Variants in MSL2 observed in about 807,000 individuals in gnomAD.
MSL2 encodes the protein E3 ubiquitin-protein ligase MSL2.
Under a neutral mutation model 35.8 loss-of-function variants are expected in MSL2, and 2 were observed. The ratio of observed to expected loss-of-function variants is 0.06; its 90% CI spans 0.02 to 0.18. The LOEUF (loss-of-function observed/expected upper bound fraction) is 0.18, where lower values mean the gene tolerates loss of function less well. MSL2 is among the 10% of genes least tolerant of loss of function. MSL2 has a pLI of 1.00. For missense variants in MSL2, 523 were observed against 706.7 expected, an observed-to-expected ratio of 0.74 and a Z score of 2.95; for synonymous variants, 296 against 255.7, an observed-to-expected ratio of 1.16 and a Z score of -1.50.
At position 136,151,206 on chromosome 3, in the gene MSL2, C is replaced by T. The variant is rs750048640; in HGVS notation, c.1675G>A (p.Ala559Thr). 6 of 1,614,200 alleles carry T rather than the reference C, an allele frequency of 3.7e-6. No individual in the cohort carries two copies. In the East Asian group the frequency reaches 1.3e-4, roughly 36 times the overall value. The change falls in exon 2 of 2, where the codon GCC becomes ACC. Residue 559 changes from alanine to threonine, a missense_variant. Ala to Thr is a moderately conservative substitution (Grantham distance 58). Coordinates refer to ENST00000309993, the MANE Select transcript of MSL2 (RefSeq NM_018133.4). This position sits in a 1 kb window ranked among gnomAD's most constrained non-coding sequence, Gnocchi z 5.2. The part of the protein sequence containing the change: ...TGSPVTTFLA[A>T]STHDDKSLDE... ...AAACTTTTATCATCATGTGTACTGGCAGCTAAAAACGTCGTTACTGGGGAC... is the reference window on the plus strand; with the variant it reads ...AAACTTTTATCATCATGTGTACTGGTAGCTAAAAACGTCGTTACTGGGGAC...
intron 1 of MSL2, among the ~76,000 whole-genome samples, chr3:136,153,412 G>A (rs1939428897): frequency 6.6e-6 from 1 of 152,148 alleles, no homozygotes; most frequent in South Asian, 2.1e-4. Context: ...CAGTAGAAAA[G>A]TATCTTCACA....
chr3:136,188,378 G>A (rs1391919229), intron 1 of MSL2, among the ~76,000 whole-genome samples: 2 of 150,968 alleles, frequency 1.3e-5, no homozygotes, highest in Non-Finnish European at 2.9e-5. Context: ...AGGTTGCAGT[G>A]AGCCGAGATC....
chr3:136,178,530 C>T (rs1940246103), intron 1 of MSL2, among the ~76,000 whole-genome samples: 3 of 148,258 alleles, frequency 2.0e-5, no homozygotes, highest in East Asian at 3.9e-4. Flanking sequence ...AATTTACTGG[C>T]ACTTTTTTTT....
chr3:136,163,994 T>C (rs888920844), intron 1 of MSL2, among the ~76,000 whole-genome samples: 1 of 152,216 alleles, frequency 6.6e-6, no homozygotes, highest in African/African-American at 2.4e-5. Context: ...GGCAGTTCTT[T>C]ATAGCAGTAT....
At position 136,195,837 on chromosome 3, in the gene MSL2, G is replaced by A. The variant is rs895793195; in HGVS notation, c.-724C>T. ...CCTCAACCCGGAGGGGAAGGCCGGG[G>A]AGGAAGTGCGCGGGCCGCCGCCGGC... On this transcript the variant is annotated 5_prime_UTR_variant, in exon 1 of 2. Coordinates refer to ENST00000309993, the MANE Select transcript of MSL2 (RefSeq NM_018133.4). 2.0e-6 allele frequency: 2 copies of A among 983,722 alleles called. No homozygotes were observed. Among genetic ancestry groups the A allele is most frequent in the African/African-American group, 1.8e-5 (1 of 57,088 alleles). 60.9% of individuals were successfully genotyped at this position (983,722 alleles called of 1,614,324 possible).
In MSL2 at chr3:136,174,617, G is replaced by A. The variant is rs569924393; in HGVS notation, c.142+20355C>T. On this transcript the variant is annotated intron_variant, in intron 1 of 1. Transcript: ENST00000309993. ...GGATTCTCAATAACAGGTTTGTGAG[G>A]GTCAGGAAATCCTTACTGCACAAAA... 2.6e-3 allele frequency among the ~76,000 whole-genome samples: 394 copies of A among 152,208 alleles called. 3 individuals carry two copies. Among genetic ancestry groups the A allele is most frequent in the African/African-American group, 7.0e-3 (292 of 41,514 alleles).
chr3:136,184,269 C>G (rs553040645), intron 1 of MSL2, among the ~76,000 whole-genome samples: 1 of 151,668 alleles, frequency 6.6e-6, no homozygotes, highest in Non-Finnish European at 1.5e-5. Context: ...GCACTTTAAC[C>G]TGAACGACAG....
intron 1 of MSL2, among the ~76,000 whole-genome samples, chr3:136,153,789 C>CAA (rs796710692): frequency 1.1e-4 from 12 of 113,822 alleles, no homozygotes; most frequent in African/African-American, 3.3e-4. Context: ...GACTTAGTCT[C>CAA]AAAAAAAAAA....
intron 1 of MSL2, among the ~76,000 whole-genome samples, chr3:136,153,227 C>A (rs1234608166): frequency 6.6e-6 from 1 of 152,142 alleles, no homozygotes; most frequent in African/African-American, 2.4e-5. Flanking sequence ...AAGCGAGACC[C>A]TGTCTCAAAA....
chr3:136,195,401 C>A lies in MSL2; in HGVS notation c.-288G>T, dbSNP rs1242393622. The A allele has an allele frequency of 3.7e-5, 43 of 1,147,704 alleles. No individual in the cohort carries two copies. Among genetic ancestry groups the A allele is most frequent in the Non-Finnish European group, 4.2e-5 (39 of 931,600 alleles). The allele number at this position is 1,147,704 out of a possible 1,614,324, so 71.1% of individuals were successfully genotyped here. ...GACCACAGAGCGCAGAACGCGGCGG[C>A]TTGGGCGCTCGGGGCGGGACTCGGA... On this transcript the variant is annotated 5_prime_UTR_variant, in exon 1 of 2. Transcript: ENST00000309993.
intron 1 of MSL2, among the ~76,000 whole-genome samples, chr3:136,168,202 G>A (rs1490749372): frequency 6.6e-6 from 1 of 151,822 alleles, no homozygotes; most frequent in Non-Finnish European, 1.5e-5. Flanking sequence ...AATGAAGTGA[G>A]ACCCCAACTC....
intron 1 of MSL2, among the ~76,000 whole-genome samples, chr3:136,186,085 A>C (rs1001775448): frequency 6.6e-6 from 1 of 152,196 alleles, no homozygotes; most frequent in Non-Finnish European, 1.5e-5. Flanking sequence ...CTATCCTTAC[A>C]TTACTTCAAA....
chr3:136,169,113 A>C (rs140260870), intron 1 of MSL2, among the ~76,000 whole-genome samples: 277 of 151,776 alleles, frequency 1.8e-3, no homozygotes, highest in East Asian at 4.7e-3. Flanking sequence ...AGGCACTCTG[A>C]AACGCTGCAA....
intron 1 of MSL2, among the ~76,000 whole-genome samples, chr3:136,184,812 C>G (rs1215630963): frequency 6.6e-6 from 1 of 150,384 alleles, no homozygotes; most frequent in Non-Finnish European, 1.5e-5. Flanking sequence ...CATACTCCTA[C>G]CACCAAAGAA....
intron 1 of MSL2, among the ~76,000 whole-genome samples, chr3:136,159,068 CTT>C (rs961437480): frequency 1.3e-5 from 2 of 152,050 alleles, no homozygotes; most frequent in Non-Finnish European, 2.9e-5. Flanking sequence ...TCCCAGGCAG[CTT>C]TTTTTCTTAA....
In MSL2 at chr3:136,195,432, G is replaced by C; in HGVS notation, c.-319C>G. On this transcript the variant is annotated 5_prime_UTR_variant, in exon 1 of 2. Coordinates refer to ENST00000309993, the MANE Select transcript of MSL2 (RefSeq NM_018133.4). The stretch of plus-strand genomic sequence containing the variant: ...CGCTCGGGGCGGGACTCGGAGCTCA[G>C]TCTAGCCCCGCGGCTCGGCAGGCGG... 1 of 1,055,828 alleles carries C rather than the reference G, an allele frequency of 9.5e-7. No homozygotes were observed. The highest frequency in any genetic ancestry group is 5.6e-5 in the Admixed American group (1 of 17,966). 65.4% of individuals were successfully genotyped at this position (1,055,828 alleles called of 1,614,324 possible). A position where few individuals can be genotyped will look rare whatever the true frequency, so the allele number is the denominator to read the frequency against.
chr3:136,157,443 A>C (rs1012242509), intron 1 of MSL2, among the ~76,000 whole-genome samples: 1 of 152,206 alleles, frequency 6.6e-6, no homozygotes, highest in African/African-American at 2.4e-5. Context: ...GAGAGGTTGC[A>C]GTGAGCCAAG....
chr3:136,175,897 A>G (rs1441820699), intron 1 of MSL2, among the ~76,000 whole-genome samples: 2 of 152,090 alleles, frequency 1.3e-5, no homozygotes, highest in African/African-American at 2.4e-5. Flanking sequence ...TAAGCCTGCC[A>G]CTGTGCTAAG....
At chr3:136,170,078 A>G (rs2108075430) in intron 1 of MSL2, among the ~76,000 whole-genome samples, 1 of 147,392 alleles carries the variant, frequency 6.8e-6, no homozygotes, top group South Asian at 2.2e-4. Flanking sequence ...GCGGTGGCTC[A>G]TGTCTATAAT....
Sources: allele counts gnomAD v4.1 joint callset (sites outside exome capture counted in the v4.1 genomes callset), GRCh38; gene constraint gnomAD v4.1.1; non-coding constraint Gnocchi (gnomAD v3.1); transcripts MANE v1.5; gene names NCBI Gene and HGNC (gene_info 2026-07-23, HGNC 2026-07-21).